Variants in MOB3B observed in about 807,000 individuals in gnomAD.
The protein encoded by MOB3B is MOB kinase activator 3B.
In MOB3B, 7 loss-of-function variants were observed where a neutral mutation model predicts 18.7. That is an observed-to-expected ratio of 0.37 (90% confidence interval 0.21 to 0.70). The LOEUF is 0.70. Among genes scored for constraint, MOB3B ranks in the 30% least tolerant of loss-of-function variants. MOB3B has a pLI of 0.52. For missense variants in MOB3B, 253 were observed against 281.3 expected (o/e 0.90, Z 0.72); for synonymous variants, 111 against 99.9 (o/e 1.11, Z -0.66).
chr9:27,366,772 CTG>C (rs2131363013), intron 2 of MOB3B, among the ~76,000 whole-genome samples: 1 of 152,312 alleles, frequency 6.6e-6, no homozygotes, highest in East Asian at 1.9e-4. Flanking sequence ...AAGGTTGTCT[CTG>C]GGGATACTGG....
At chr9:27,527,813 A>T (rs1398957744) in intron 1 of MOB3B, among the ~76,000 whole-genome samples, 1 of 152,166 alleles carries the variant, frequency 6.6e-6, no homozygotes, top group East Asian at 1.9e-4. Context: ...CCATCTGGGG[A>T]CCCTGACTTC....
chr9:27,474,883 T>C (rs1819528861), intron 1 of MOB3B, among the ~76,000 whole-genome samples: 1 of 152,224 alleles, frequency 6.6e-6, no homozygotes, highest in Admixed American at 6.5e-5. Flanking sequence ...TATTGGGTTA[T>C]GGTGCCAGGC....
chr9:27,516,192 A>T (rs535288766), intron 1 of MOB3B, among the ~76,000 whole-genome samples: 1 of 152,296 alleles, frequency 6.6e-6, no homozygotes, highest in African/African-American at 2.4e-5. Flanking sequence ...GGACTTCCAG[A>T]CTCTAGGACT....
chr9:27,431,301 T>C (rs1457383889), intron 2 of MOB3B, among the ~76,000 whole-genome samples: 1 of 152,234 alleles, frequency 6.6e-6, no homozygotes, highest in East Asian at 1.9e-4. Flanking sequence ...TTATTTTAGT[T>C]GTTAAAGCTA....
chr9:27,441,906 C>A (rs936508358), intron 2 of MOB3B, among the ~76,000 whole-genome samples: 2 of 152,138 alleles, frequency 1.3e-5, no homozygotes, highest in African/African-American at 2.4e-5. Context: ...CCCTTTCCAA[C>A]CACATACTCA....
At chr9:27,452,723 A>G (rs929958963) in intron 2 of MOB3B, among the ~76,000 whole-genome samples, 2 of 152,218 alleles carry the variant, frequency 1.3e-5, no homozygotes, top group African/African-American at 2.4e-5. Flanking sequence ...TGTGACATGA[A>G]TGAACCTGGA....
At chr9:27,521,644 A>G (rs770313776) in intron 1 of MOB3B, among the ~76,000 whole-genome samples, 5 of 152,206 alleles carry the variant, frequency 3.3e-5, no homozygotes, top group Non-Finnish European at 5.9e-5. Context: ...TATATGAGGT[A>G]TGTAAAAAGC....
intron 2 of MOB3B, among the ~76,000 whole-genome samples, chr9:27,420,383 T>C (rs556811889): frequency 1.7e-3 from 254 of 151,686 alleles, no homozygotes; most frequent in African/African-American, 5.8e-3. Context: ...CAATTCACAA[T>C]TGCAAAATTG....
chr9:27,489,619 G>A (rs893181862), intron 1 of MOB3B, among the ~76,000 whole-genome samples: 1 of 152,104 alleles, frequency 6.6e-6, no homozygotes, highest in South Asian at 2.1e-4. Flanking sequence ...GGCTAACCAC[G>A]TATGTGGGTG....
At chr9:27,432,957 G>A (rs908593278) in intron 2 of MOB3B, among the ~76,000 whole-genome samples, 1 of 152,270 alleles carries the variant, frequency 6.6e-6, no homozygotes, top group South Asian at 2.1e-4. Flanking sequence ...TCATCTGAGA[G>A]ACAGACTGAT....
Position 27,466,115 on chromosome 9 carries a change from C to T in MOB3B, c.-198-10367G>A, listed in dbSNP as rs551856429. Among the ~76,000 whole-genome samples the T allele has an allele frequency of 4.2e-4, 64 of 152,304 alleles. 1 individual carries two copies. The South Asian group carries it at 0.01, about 25-fold the overall frequency. Reference sequence around the variant, plus strand: ...AGGCTGCAAATTTTCTGAACTTTTACGCTCTGTTTCTCTTTTAAAACAGAA... The same window carrying T: ...AGGCTGCAAATTTTCTGAACTTTTATGCTCTGTTTCTCTTTTAAAACAGAA... On this transcript the variant is annotated intron_variant, in intron 1 of 3. Transcript: ENST00000262244.
At chr9:27,412,002 A>C (rs2131402543) in intron 2 of MOB3B, among the ~76,000 whole-genome samples, 1 of 152,254 alleles carries the variant, frequency 6.6e-6, no homozygotes, top group Middle Eastern at 3.4e-3. Flanking sequence ...ATAGTCTATT[A>C]ATTAAGATAA....
chr9:27,342,527 G>A (rs547075383), intron 3 of MOB3B, among the ~76,000 whole-genome samples: 1 of 151,994 alleles, frequency 6.6e-6, no homozygotes, highest in South Asian at 2.1e-4. Flanking sequence ...GCCAAGGCTG[G>A]ACTGTACTGC....
chr9:27,350,773 C>G (rs933544582), intron 3 of MOB3B, among the ~76,000 whole-genome samples: 21 of 152,168 alleles, frequency 1.4e-4, no homozygotes, highest in African/African-American at 4.8e-4. Flanking sequence ...TGAACAACCA[C>G]CAACAGCCGA....
intron 2 of MOB3B, among the ~76,000 whole-genome samples, chr9:27,416,464 T>G (rs1822149814): frequency 6.6e-6 from 1 of 152,012 alleles, no homozygotes; most frequent in Non-Finnish European, 1.5e-5. Context: ...GCTATAGATA[T>G]TCTACCTATA....
At chr9:27,367,202 G>A (rs1272043489) in intron 2 of MOB3B, among the ~76,000 whole-genome samples, 1 of 152,236 alleles carries the variant, frequency 6.6e-6, no homozygotes, top group Non-Finnish European at 1.5e-5. Context: ...AGCTCAAAGA[G>A]GTGAAGGGAC....
intron 1 of MOB3B, among the ~76,000 whole-genome samples, chr9:27,475,376 A>T (rs1220335552): frequency 6.6e-6 from 1 of 152,284 alleles, no homozygotes; most frequent in Non-Finnish European, 1.5e-5. Flanking sequence ...CGAGATAATA[A>T]ACGTTGTTGT....
Position 27,514,345 on chromosome 9 carries a change from CAAAAA to C in MOB3B, c.-199+15205_-199+15209del, listed in dbSNP as rs34526085. ...TCAACGCAGAATAAGACCACAAGCT[CAAAAA>C]AAAAAAAAAAAAAAAAAAGACCACA... On this transcript the variant is annotated intron_variant, in intron 1 of 3. Transcript: ENST00000262244. Among the ~76,000 whole-genome samples, 22 of 77,636 alleles carry C rather than the reference CAAAAA, an allele frequency of 2.8e-4. 1 individual carries two copies. Among genetic ancestry groups the C allele is most frequent in the East Asian group, 4.0e-4 (1 of 2,490 alleles). The allele number at this position is 77,636 out of a possible 152,430, so 50.9% of individuals were successfully genotyped here. A position where few individuals can be genotyped will look rare whatever the true frequency, so the allele number is the denominator to read the frequency against.
At chr9:27,512,220 C>G (rs918576864) in intron 1 of MOB3B, among the ~76,000 whole-genome samples, 1 of 152,156 alleles carries the variant, frequency 6.6e-6, no homozygotes, top group African/African-American at 2.4e-5. Context: ...GCTGGGTACA[C>G]ATGAGGAATG....
Sources: allele counts gnomAD v4.1 joint callset (sites outside exome capture counted in the v4.1 genomes callset), GRCh38; gene constraint gnomAD v4.1.1; transcripts MANE v1.5; gene names NCBI Gene and HGNC (gene_info 2026-07-23, HGNC 2026-07-21).